The following COL27A1 variants were observed in gnomAD, a reference collection of about 807,000 sequenced individuals.
The protein encoded by COL27A1 is collagen type XXVII alpha 1 chain, also known as collagen alpha-1(XXVII) chain.
COL27A1 carries 106 observed loss-of-function variants against 251.3 expected under a neutral mutation model. That is an observed-to-expected ratio of 0.42 (90% CI 0.36 to 0.50). COL27A1 has a LOEUF of 0.50. Among genes scored for constraint, COL27A1 ranks in the 20% least tolerant of loss-of-function variants. COL27A1 has a pLI of 0.00. For synonymous variants in COL27A1, 1,000 were observed against 986.3 expected, an observed-to-expected ratio of 1.01 and a Z score of -0.26; for missense variants, 2,325 against 2,522.8, an observed-to-expected ratio of 0.92 and a Z score of 1.68.
At chr9:114,289,951 A>T in intron 45 of COL27A1, 107 bp from the exon 46 acceptor site, 1 of 1,261,548 alleles carries the variant, frequency 7.9e-7, no homozygotes, top group African/African-American at 1.5e-5. Flanking sequence ...CTGTGGCATC[A>T]GATGTTCACC....
intron 3 of COL27A1, among the ~76,000 whole-genome samples, chr9:114,170,866 G>A (rs1849263148): frequency 6.6e-6 from 1 of 152,232 alleles, no homozygotes; most frequent in African/African-American, 2.4e-5. Context: ...TTCCCACGCT[G>A]TGTGCGTGCT....
chr9:114,302,279 C>G (rs1249753), intron 56 of COL27A1, among the ~76,000 whole-genome samples, 171 bp downstream of exon 56: 1 of 151,952 alleles, frequency 6.6e-6, no homozygotes, highest in African/African-American at 2.4e-5. Flanking sequence ...AGCAACAGAA[C>G]GAGCCCTGGG....
intron 3 of COL27A1, among the ~76,000 whole-genome samples, chr9:114,171,255 G>A (rs1179093197): frequency 6.6e-6 from 1 of 152,098 alleles, no homozygotes; most frequent in African/African-American, 2.4e-5. Context: ...CTCAGAGAGG[G>A]CCAGGACCTG....
Position 114,307,674 on chromosome 9 carries a change from T to C in COL27A1, c.5113T>C (p.Tyr1705His). 1 of 1,612,932 alleles carries C rather than the reference T, an allele frequency of 6.2e-7. No individual in the cohort carries two copies. The highest frequency in any genetic ancestry group is 1.1e-5 in the South Asian group (1 of 91,062). ...DCEQKMVDGT[Y>H]WVDPNLGCSS... ...CCATCCCACGCTGCCTGCAGGTACC[T>C]ACTGGGTGGATCCAAACCTTGGCTG... The change falls in exon 59 of 61, where the codon TAC becomes CAC. Residue 1705 changes from tyrosine to histidine, a missense_variant. Transcript: ENST00000356083.
At chr9:114,300,831 C>A in intron 51 of COL27A1, 144 bp downstream of exon 51, 1 of 763,846 alleles carries the variant, frequency 1.3e-6, no homozygotes, top group Non-Finnish European at 2.0e-6. Context: ...CACCTTCACT[C>A]CTGCCGTTCC....
chr9:114,196,150 A>G (rs1829108063), intron 7 of COL27A1, 138 bp downstream of exon 7: 1 of 761,574 alleles, frequency 1.3e-6, no homozygotes, highest in Non-Finnish European at 2.3e-6. Context: ...CATGGGTGAG[A>G]GGTGAGAGAG....
chr9:114,297,637 A>G (rs1370287497), intron 49 of COL27A1, among the ~76,000 whole-genome samples: 1 of 152,226 alleles, frequency 6.6e-6, no homozygotes, highest in African/African-American at 2.4e-5. Flanking sequence ...CCCTTTCGTG[A>G]TGAAAACACA....
intron 7 of COL27A1, among the ~76,000 whole-genome samples, 164 bp downstream of exon 7, chr9:114,196,176 G>T (rs1389268815): frequency 6.6e-6 from 1 of 152,220 alleles, no homozygotes; most frequent in Non-Finnish European, 1.5e-5. Context: ...CAAGGGTTGT[G>T]CCTGTTGAGG....
intron 59 of COL27A1, among the ~76,000 whole-genome samples, chr9:114,308,732 A>T (rs1171045114): frequency 6.6e-6 from 1 of 152,226 alleles, no homozygotes; most frequent in Non-Finnish European, 1.5e-5. Context: ...CTTCTCCATC[A>T]GAAACAATGG....
At chr9:114,241,560 G>A (rs934753486) in intron 21 of COL27A1, among the ~76,000 whole-genome samples, 1 of 152,218 alleles carries the variant, frequency 6.6e-6, no homozygotes, top group Non-Finnish European at 1.5e-5. Context: ...GGGAAGGAAG[G>A]GGAGAGGAGG....
In COL27A1 at chr9:114,240,201, G is replaced by T; in HGVS notation, c.2728-19G>T. On this transcript the variant is annotated intron_variant, in intron 19 of 60. Coordinates refer to ENST00000356083, the MANE Select transcript of COL27A1 (RefSeq NM_032888.4). The stretch of plus-strand genomic sequence containing the variant: ...CTTCACAGCCCCCGTGGGTGACCCT[G>T]CTCTCTGCTTCCCCTCAGGGATTCC... 6.2e-7 allele frequency: 1 copy of T among 1,612,004 alleles called. No homozygotes were observed. The highest frequency in any genetic ancestry group is 1.7e-5 in the Admixed American group (1 of 59,984).
chr9:114,228,828 CT>C (rs1045784065), intron 14 of COL27A1, among the ~76,000 whole-genome samples: 1 of 151,482 alleles, frequency 6.6e-6, no homozygotes, highest in Non-Finnish European at 1.5e-5. Flanking sequence ...CTTTCTCTCT[CT>C]TTTTTTTTCA....
intron 17 of COL27A1, among the ~76,000 whole-genome samples, chr9:114,236,042 G>A (rs570557292): frequency 1.3e-4 from 20 of 151,924 alleles, no homozygotes; most frequent in African/African-American, 3.4e-4. Flanking sequence ...CCTGCTCCCC[G>A]CCTTACAGCT....
At chr9:114,209,593 C>T (rs1477483029) in intron 10 of COL27A1, 82 bp from the exon 11 acceptor site, 3 of 1,244,458 alleles carry the variant, frequency 2.4e-6, no homozygotes, top group Non-Finnish European at 3.6e-6. Context: ...TGTGGGATGG[C>T]AGTGGTGGGT....
chr9:114,161,525 C>A (rs1476567371), intron 1 of COL27A1, among the ~76,000 whole-genome samples: 1 of 152,180 alleles, frequency 6.6e-6, no homozygotes, highest in Non-Finnish European at 1.5e-5. Flanking sequence ...CTGGGAAGAA[C>A]CTAGGGTTCC....
In COL27A1 at chr9:114,199,655, G is replaced by A. The variant is rs117750117; in HGVS notation, c.2124+3643G>A. Reference sequence around the variant, plus strand: ...CCCAGCACCTCCAGGCAGAAGTGACGCCTCACTTCCTGACCATTTGGCCTC... The same window carrying A: ...CCCAGCACCTCCAGGCAGAAGTGACACCTCACTTCCTGACCATTTGGCCTC... On this transcript the variant is annotated intron_variant, in intron 7 of 60. Transcript: ENST00000356083. Among the ~76,000 whole-genome samples, 36 of 152,236 alleles carry A rather than the reference G, an allele frequency of 2.4e-4. No individual in the cohort carries two copies. In the East Asian group the frequency reaches 6.0e-3, roughly 25 times the overall value.
At chr9:114,188,073 A>G (rs1203009101) in intron 5 of COL27A1, among the ~76,000 whole-genome samples, 1 of 152,224 alleles carries the variant, frequency 6.6e-6, no homozygotes, top group Non-Finnish European at 1.5e-5. Context: ...GTGGTAGAAG[A>G]AAACAGCTTT....
intron 14 of COL27A1, among the ~76,000 whole-genome samples, chr9:114,229,371 G>A (rs1210393355): frequency 6.6e-6 from 1 of 152,166 alleles, no homozygotes; most frequent in Non-Finnish European, 1.5e-5. Flanking sequence ...CTCCTCGGGG[G>A]CATTCCATCA....
chr9:114,284,647 A>G lies in COL27A1; in HGVS notation c.3934-77A>G, dbSNP rs542706602. ...CTGGGACCCAGTTTTGCAGCCCAGTATCCCCATCTTGGAGTCCATGTCCTT... is the reference window on the plus strand; with the variant it reads ...CTGGGACCCAGTTTTGCAGCCCAGTGTCCCCATCTTGGAGTCCATGTCCTT... On this transcript the variant is annotated intron_variant, in intron 40 of 60. Coordinates refer to ENST00000356083, the MANE Select transcript of COL27A1 (RefSeq NM_032888.4). 306 of 1,473,312 alleles carry G rather than the reference A, an allele frequency of 2.1e-4. No homozygotes were observed. In the African/African-American group the frequency reaches 4.0e-3, roughly 19 times the overall value. The allele number at this position is 1,473,312 out of a possible 1,614,324, so 91.3% of individuals were successfully genotyped here. A position where few individuals can be genotyped will look rare whatever the true frequency, so the allele number is the denominator to read the frequency against.
Sources: gnomAD v4.1 joint callset for allele counts (sites outside exome capture counted in the v4.1 genomes callset) on GRCh38, gnomAD v4.1.1 for gene constraint, MANE v1.5 for transcripts, NCBI Gene and HGNC (gene_info 2026-07-23, HGNC 2026-07-21) for gene names.